CEP95: variants seen among roughly 807,000 people sequenced by gnomAD.
CEP95 encodes centrosomal protein of 95 kDa.
In CEP95, 98 loss-of-function variants were observed where a neutral mutation model predicts 111.2. That is an observed-to-expected ratio of 0.88 (90% CI 0.75 to 1.04). CEP95 has a LOEUF of 1.04. CEP95 is among the 50% of genes least tolerant of loss of function. The pLI is 0.00. For synonymous variants in CEP95, 323 were observed against 327.1 expected (o/e 0.99, Z 0.14); for missense variants, 1,027 against 977.2 (o/e 1.05, Z -0.68).
intron 11 of CEP95, among the ~76,000 whole-genome samples, chr17:64,527,699 CTATT>C (rs1555679411): frequency 1.3e-5 from 2 of 152,082 alleles, no homozygotes; most frequent in East Asian, 3.9e-4. Flanking sequence ...TCTTAGAAAT[CTATT>C]TATGTTGATC....
rs544643355 is a variant in CEP95, at chr17:64,529,386, C to T, written c.1405C>T (p.Arg469Cys). Reference protein sequence around the residue: ...KQFHLERKRQRKPRETDVRQF... With the variant: ...KQFHLERKRQCKPRETDVRQF... Reference sequence around the variant, plus strand: ...GTTCCACTTGGAGAGAAAAAGGCAGCGCAAGCCAAGAGAAACAGATGTCCG... The same window carrying T: ...GTTCCACTTGGAGAGAAAAAGGCAGTGCAAGCCAAGAGAAACAGATGTCCG... The change falls in exon 12 of 20, where the codon CGC (arginine) becomes TGC (cysteine). Residue 469 changes from arginine to cysteine, a missense_variant. Coordinates refer to ENST00000556440, the MANE Select transcript of CEP95 (RefSeq NM_138363.3). 12 of 1,613,736 alleles carry T rather than the reference C, an allele frequency of 7.4e-6. No individual in the cohort carries two copies. Among genetic ancestry groups the T allele is most frequent in the East Asian group, 2.2e-5 (1 of 44,830 alleles).
At chr17:64,530,377 T>C (rs1968177248) in intron 12 of CEP95, among the ~76,000 whole-genome samples, 1 of 152,078 alleles carries the variant, frequency 6.6e-6, no homozygotes, top group Non-Finnish European at 1.5e-5. Context: ...AGTGCGACTG[T>C]CTCAAAAAAC....
chr17:64,521,529 T>C lies in CEP95; in HGVS notation c.715+2T>C. On this transcript the variant is annotated splice_donor_variant, in intron 7 of 19. Coordinates refer to ENST00000556440, the MANE Select transcript of CEP95 (RefSeq NM_138363.3). LOFTEE classifies it high-confidence loss of function. ...GTAGGACATCCTTTGTTGAAGACAG[T>C]GAGTTGTAATGGATGTTAGTTCTTT... The C allele has an allele frequency of 1.9e-6, 3 of 1,608,184 alleles. No individual in the cohort carries two copies. Among genetic ancestry groups the C allele is most frequent in the Non-Finnish European group, 2.5e-6 (3 of 1,177,352 alleles).
At position 64,521,447 on chromosome 17, in the gene CEP95, C is replaced by A; in HGVS notation, c.635C>A (p.Ser212Ter). 6.2e-7 allele frequency: 1 copy of A among 1,612,562 alleles called. No individual in the cohort carries two copies. Among genetic ancestry groups the A allele is most frequent in the Non-Finnish European group, 8.5e-7 (1 of 1,178,732 alleles). The change falls in exon 7 of 20, where the codon TCA (serine) becomes TAA (stop). Residue 212 changes from serine (S) to a stop codon, truncating the protein, a stop_gained. Transcript: ENST00000556440. LOFTEE classifies it high-confidence loss of function. ...NEMLSKKALA[S>*]PSSKSHEDML... is the part of the protein sequence containing the mutation. ...ATGCTGTCTAAAAAAGCCTTAGCCT[C>A]ACCAAGTTCTAAATCACATGAAGAT...
At chr17:64,535,164 A>C in intron 17 of CEP95, 1 of 180,814 alleles carries the variant, frequency 5.5e-6, no homozygotes, top group Non-Finnish European at 1.2e-5. Flanking sequence ...CTGTGAAATG[A>C]TTAACCTTTT....
At chr17:64,525,529 C>T (rs1268041881) in intron 8 of CEP95, among the ~76,000 whole-genome samples, 1 of 152,068 alleles carries the variant, frequency 6.6e-6, no homozygotes, top group Non-Finnish European at 1.5e-5. Context: ...GAACACCTGG[C>T]CTGTGTTTTT....
chr17:64,523,568 A>G (rs1967547583), intron 8 of CEP95, among the ~76,000 whole-genome samples: 1 of 145,194 alleles, frequency 6.9e-6, no homozygotes, highest in Non-Finnish European at 1.5e-5. Flanking sequence ...CTTCATCTCA[A>G]AAAAAAAAAA....
rs1415798664 is a variant in CEP95 at position 64,510,267 on chromosome 17, G to A, written c.243G>A (p.Leu81=). The A allele has an allele frequency of 3.1e-6, 5 of 1,597,446 alleles. No individual in the cohort carries two copies. In the African/African-American group the frequency reaches 4.0e-5, roughly 13 times the overall value. The part of the protein sequence containing the change: ...SLALDYLQVS[L]SHITGENIVK... ...CCTTGGACTACTTGCAGGTCAGCTT[G>A]TCTCACATAACAGGTTGGTATATGT... The change falls in exon 3 of 20, where the codon TTG becomes TTA. Residue 81 remains leucine, a synonymous_variant. Coordinates refer to ENST00000556440, the MANE Select transcript of CEP95 (RefSeq NM_138363.3).
At chr17:64,536,516 A>T in intron 17 of CEP95, 86 bp from the exon 18 acceptor site, 1 of 953,998 alleles carries the variant, frequency 1.0e-6, no homozygotes, top group Middle Eastern at 3.4e-4. Context: ...AAAAAAAAAA[A>T]CCTTGGGAAA....
intron 17 of CEP95, 50 bp downstream of exon 17, chr17:64,534,787 T>C (rs782713230): frequency 6.3e-6 from 10 of 1,580,260 alleles, no homozygotes; most frequent in Non-Finnish European, 8.6e-6. Context: ...AACTTTGTTA[T>C]CTTTCAGGAC....
intron 4 of CEP95, chr17:64,515,707 C>T (rs2039105056): frequency 2.0e-5 from 3 of 152,258 alleles, no homozygotes; most frequent in Admixed American, 6.5e-5. Context: ...TTACAGTCTG[C>T]TTCTCATCTT....
intron 9 of CEP95, 86 bp from the exon 10 acceptor site, chr17:64,525,985 A>T: frequency 6.6e-7 from 1 of 1,513,380 alleles, no homozygotes; most frequent in East Asian, 2.3e-5. Context: ...AGAATGAAGT[A>T]TTTGTTAAAG....
At chr17:64,527,300 C>T (rs1555679322) in intron 11 of CEP95, 36 bp downstream of exon 11, 2 of 1,538,420 alleles carry the variant, frequency 1.3e-6, no homozygotes, top group Non-Finnish European at 1.8e-6. Flanking sequence ...GGGGGACATC[C>T]ATGTGAACTA....
intron 3 of CEP95, 39 bp from the exon 4 acceptor site, chr17:64,514,209 A>G: frequency 1.3e-6 from 1 of 789,618 alleles, no homozygotes; most frequent in Non-Finnish European, 2.1e-6. Flanking sequence ...TTCAGATTTC[A>G]TGGTTAAATT....
chr17:64,537,483 T>G, intron 19 of CEP95, 120 bp from the exon 20 acceptor site: 2 of 1,425,594 alleles, frequency 1.4e-6, no homozygotes. Flanking sequence ...TAAGAGCTGC[T>G]GTTGCTAGAT....
chr17:64,521,937 A>G (rs1555678008), intron 7 of CEP95, among the ~76,000 whole-genome samples: 1 of 151,744 alleles, frequency 6.6e-6, no homozygotes, highest in African/African-American at 2.4e-5. Flanking sequence ...GCTCACTGCA[A>G]CCTCCGCCTC....
intron 19 of CEP95, 42 bp from the exon 20 acceptor site, chr17:64,537,561 T>C (rs1412923113): frequency 6.5e-7 from 1 of 1,532,992 alleles, no homozygotes; most frequent in Admixed American, 1.9e-5. Context: ...AGGGCCTGGA[T>C]AAATGCTGTG....
Position 64,529,367 on chromosome 17 carries a change from CTTG to C in CEP95, c.1387_1389del (p.Leu463del). 6.2e-7 allele frequency: 1 copy of C among 1,613,858 alleles called. No homozygotes were observed. Among genetic ancestry groups the C allele is most frequent in the East Asian group, 2.2e-5 (1 of 44,854 alleles). ...CAGTTAACAAACACAAACAGTTCCA[CTTG>C]GAGAGAAAAAGGCAGCGCAAGCCAA... On this transcript the variant is annotated inframe_deletion, in exon 12 of 20. Coordinates refer to ENST00000556440, the MANE Select transcript of CEP95 (RefSeq NM_138363.3).
In CEP95 at chr17:64,537,816, GC is replaced by G. The variant is rs782236198; in HGVS notation, c.*39del. On this transcript the variant is annotated 3_prime_UTR_variant, in exon 20 of 20. Transcript: ENST00000556440. ...ATAATAGTAGGTGAAGGTTCTGGAGGCCTTTACCAGGACAGAGCTAGAATCG... is the reference window on the plus strand; with the variant it reads ...ATAATAGTAGGTGAAGGTTCTGGAGGCTTTACCAGGACAGAGCTAGAATCG... 5 of 1,374,914 alleles carry G rather than the reference GC, an allele frequency of 3.6e-6. No homozygotes were observed. The highest frequency in any genetic ancestry group is 4.9e-6 in the Non-Finnish European group (5 of 1,014,244). 85.2% of individuals were successfully genotyped at this position (1,374,914 alleles called of 1,614,324 possible).
Sources: allele counts gnomAD v4.1 joint callset (sites outside exome capture counted in the v4.1 genomes callset), GRCh38; gene constraint gnomAD v4.1.1; transcripts MANE v1.5; gene names NCBI Gene and HGNC (gene_info 2026-07-23, HGNC 2026-07-21).